The following VWA8 variants were observed in gnomAD, a reference collection of about 807,000 sequenced individuals.
The protein encoded by VWA8 is von Willebrand factor A domain containing 8, also known as von Willebrand factor A domain-containing protein 8.
A neutral mutation model predicts 241.5 loss-of-function variants in VWA8; 221 were observed. That is an observed-to-expected ratio of 0.91 (90% CI 0.82 to 1.02). VWA8 has a LOEUF of 1.02. VWA8 is among the 50% of genes least tolerant of loss of function. The pLI is 0.00. For synonymous variants in VWA8, 852 were observed against 827.1 expected (o/e 1.03, Z -0.52); for missense variants, 2,322 against 2,328.7 (o/e 1.00, Z 0.06).
intron 37 of VWA8, among the ~76,000 whole-genome samples, chr13:41,636,744 A>G (rs1430828487): frequency 2.0e-5 from 3 of 152,256 alleles, no homozygotes; most frequent in Non-Finnish European, 4.4e-5. Context: ...CCCATCAACA[A>G]GTGGGTGAAG....
At position 41,637,278 on chromosome 13, in the gene VWA8, C is replaced by T. The variant is rs1374622735; in HGVS notation, c.4612-22194G>A. Among the ~76,000 whole-genome samples, 43 of 151,364 alleles carry T rather than the reference C, an allele frequency of 2.8e-4. 1 individual carries two copies. The highest frequency in any genetic ancestry group is 5.9e-4 in the Non-Finnish European group (40 of 67,902). On this transcript the variant is annotated intron_variant, in intron 37 of 44. Transcript: ENST00000379310. The stretch of plus-strand genomic sequence containing the variant: ...GTCCTTTGTAGGGACATGGATGAAG[C>T]TGGAAACCATCATTCTCAGCAAACC...
At chr13:41,906,194 C>T (rs916423725) in intron 4 of VWA8, among the ~76,000 whole-genome samples, 4 of 151,996 alleles carry the variant, frequency 2.6e-5, no homozygotes, top group Non-Finnish European at 5.9e-5. Flanking sequence ...TATCCTATTC[C>T]TCAAAAACTT....
chr13:41,763,290 A>AAATAAATAAAT (rs2045754324), intron 20 of VWA8, among the ~76,000 whole-genome samples: 1 of 139,624 alleles, frequency 7.2e-6, no homozygotes, highest in Non-Finnish European at 1.5e-5. Context: ...TCCACCTGTA[A>AAATAAATAAAT]AAATAAATAA....
At chr13:41,663,742 TTACTA>T (rs900518521) in intron 37 of VWA8, among the ~76,000 whole-genome samples, 9 of 152,078 alleles carry the variant, frequency 5.9e-5, no homozygotes, top group Non-Finnish European at 1.0e-4. Context: ...TACCTTATCA[TTACTA>T]TACAGTCCCC....
chr13:41,732,148 T>A lies in VWA8; in HGVS notation c.2434A>T (p.Thr812Ser). The A allele has an allele frequency of 6.2e-7, 1 of 1,611,718 alleles. No individual in the cohort carries two copies. Among genetic ancestry groups the A allele is most frequent in the Non-Finnish European group, 8.5e-7 (1 of 1,178,698 alleles). Residue 812 changes from threonine (T) to serine (S), a missense_variant, in exon 22 of 45, where the codon ACA becomes TCA. Transcript: ENST00000379310. ...REYIQLHRDT[T>S]VQTLTLQPSV... is the part of the protein sequence containing the mutation. ...GGCTGAAGCGTAAGAGTTTGTACTG[T>A]GGTATCCCTAAAGTAAAACCAACAC...
At chr13:41,785,682 A>T (rs1869158078) in intron 18 of VWA8, among the ~76,000 whole-genome samples, 1 of 152,104 alleles carries the variant, frequency 6.6e-6, no homozygotes, top group Admixed American at 6.6e-5. Flanking sequence ...CCTTCAATAG[A>T]TCCTTGCCAT....
chr13:41,659,822 T>C (rs2044936273), intron 37 of VWA8, among the ~76,000 whole-genome samples: 2 of 152,222 alleles, frequency 1.3e-5, no homozygotes, highest in Admixed American at 6.5e-5. Flanking sequence ...ACGTGTCCTA[T>C]AGAGATAAGG....
intron 1 of VWA8, among the ~76,000 whole-genome samples, chr13:41,952,494 T>C (rs1454106347): frequency 1.3e-5 from 2 of 152,226 alleles, no homozygotes; most frequent in African/African-American, 2.4e-5. Flanking sequence ...TCAAGAATTA[T>C]AGTTACAGTA....
Position 41,866,043 on chromosome 13 carries a change from T to C in VWA8, c.1213-7A>G, listed in dbSNP as rs1873282763. 1.2e-6 allele frequency: 2 copies of C among 1,613,392 alleles called. No individual in the cohort carries two copies. Among genetic ancestry groups the C allele is most frequent in the Non-Finnish European group, 1.7e-6 (2 of 1,179,576 alleles). ...GCCTGGTCCCGGCTGGCACCTATAA[T>C]TAAAGAGAGGTCAATATAACATGGC... On this transcript the variant is annotated splice_region_variant and splice_polypyrimidine_tract_variant and intron_variant, in intron 10 of 44. Coordinates refer to ENST00000379310, the MANE Select transcript of VWA8 (RefSeq NM_015058.2).
At chr13:41,883,561 C>A in intron 8 of VWA8, 70 bp from the exon 9 acceptor site, 1 of 1,169,998 alleles carries the variant, frequency 8.5e-7, no homozygotes. Context: ...CTGAAATGTA[C>A]ATATGACATT....
At chr13:41,858,900 A>G (rs937203224) in intron 12 of VWA8, among the ~76,000 whole-genome samples, 1 of 152,198 alleles carries the variant, frequency 6.6e-6, no homozygotes, top group Admixed American at 6.5e-5. Context: ...AAACAAGATG[A>G]GCTACAGACT....
At chr13:41,740,772 C>T (rs570758542) in intron 21 of VWA8, among the ~76,000 whole-genome samples, 81 of 152,316 alleles carry the variant, frequency 5.3e-4, no homozygotes, top group African/African-American at 1.9e-3. Flanking sequence ...TCTACCACTT[C>T]AGGATGAACA....
Position 41,951,955 on chromosome 13 carries a change from G to A in VWA8, c.164-1942C>T, listed in dbSNP as rs1021153330. On this transcript the variant is annotated intron_variant, in intron 1 of 44. Coordinates refer to ENST00000379310, the MANE Select transcript of VWA8 (RefSeq NM_015058.2). Reference sequence around the variant, plus strand: ...ACACACAAAGCTAAATCCCTGCTAGGTCCAAAACTGGCAGCCAGAAAAAAG... The same window carrying A: ...ACACACAAAGCTAAATCCCTGCTAGATCCAAAACTGGCAGCCAGAAAAAAG... 2.0e-5 allele frequency among the ~76,000 whole-genome samples: 3 copies of A among 152,120 alleles called. No individual in the cohort carries two copies. In the East Asian group the frequency reaches 5.8e-4, roughly 29 times the overall value.
intron 43 of VWA8, among the ~76,000 whole-genome samples, chr13:41,572,014 T>C (rs566670571): frequency 7.6e-5 from 11 of 145,120 alleles, no homozygotes; most frequent in African/African-American, 2.1e-4. Context: ...CGTCTGGGAA[T>C]TGAGGAGTGT....
chr13:41,611,503 A>G lies in VWA8; in HGVS notation c.4877+73T>C, dbSNP rs528647236. ...TGGAGGTGGAAACACACACAAATCTAGGTTTCCCCACAGTCCATCATGACA... is the reference window on the plus strand; with the variant it reads ...TGGAGGTGGAAACACACACAAATCTGGGTTTCCCCACAGTCCATCATGACA... On this transcript the variant is annotated intron_variant, in intron 39 of 44. Transcript: ENST00000379310. 2.6e-6 allele frequency: 4 copies of G among 1,519,746 alleles called. No homozygotes were observed. The African/African-American group carries it at 4.1e-5, about 16-fold the overall frequency. 94.1% of individuals were successfully genotyped at this position (1,519,746 alleles called of 1,614,324 possible).
At chr13:41,927,437 C>T in intron 2 of VWA8, 1 of 387,716 alleles carries the variant, frequency 2.6e-6, no homozygotes, top group South Asian at 2.1e-5. Context: ...TTGTGTGTTG[C>T]TTTCCATTTG....
chr13:41,915,885 T>C lies in VWA8; in HGVS notation c.242-3717A>G, dbSNP rs1248991533. ...TTTTATTCTCCCTCAATAACAATAC[T>C]AATAATGGCTATAATTTATTGCATT... On this transcript the variant is annotated intron_variant, in intron 2 of 44. Coordinates refer to ENST00000379310, the MANE Select transcript of VWA8 (RefSeq NM_015058.2). Among the ~76,000 whole-genome samples, 11 of 152,318 alleles carry C rather than the reference T, an allele frequency of 7.2e-5. No homozygotes were observed. The East Asian group carries it at 1.5e-3, about 21-fold the overall frequency.
At chr13:41,598,141 GTTAACT>G (rs1300696723) in intron 40 of VWA8, among the ~76,000 whole-genome samples, 1 of 151,988 alleles carries the variant, frequency 6.6e-6, no homozygotes, top group Non-Finnish European at 1.5e-5. Flanking sequence ...AACGAGCACG[GTTAACT>G]TTAAGTCTTT....
chr13:41,568,357 C>T (rs767264022), intron 44 of VWA8, 52 bp from the exon 45 acceptor site: 1 of 1,481,068 alleles, frequency 6.8e-7, no homozygotes, highest in Non-Finnish European at 9.4e-7. Context: ...GGGCTCCCTT[C>T]CACCTCCTGC....
Sources: gnomAD v4.1 joint callset for allele counts (sites outside exome capture counted in the v4.1 genomes callset) on GRCh38, gnomAD v4.1.1 for gene constraint, MANE v1.5 for transcripts, NCBI Gene and HGNC (gene_info 2026-07-23, HGNC 2026-07-21) for gene names.